The following ZNF205 variants were observed in gnomAD, a reference collection of about 807,000 sequenced individuals.
ZNF205 encodes transcriptional repressor RHIT.
A neutral mutation model predicts 53.6 loss-of-function variants in ZNF205; 32 were observed. The ratio of observed to expected loss-of-function variants is 0.60; its 90% CI spans 0.45 to 0.80. The LOEUF (loss-of-function observed/expected upper bound fraction) is 0.80. Ranked by LOEUF, ZNF205 falls within the 30% of genes least tolerant of loss-of-function variation. The pLI is 0.00. For missense variants in ZNF205, 836 were observed against 782.4 expected (o/e 1.07, Z -0.82); for synonymous variants, 382 against 334.3 (o/e 1.14, Z -1.56).
chr16:3,113,254 C>G (rs533171359), intron 1 of ZNF205, 163 bp from the exon 2 acceptor site: 1 of 624,296 alleles, frequency 1.6e-6, no homozygotes, highest in African/African-American at 1.9e-5. Flanking sequence ...ACTTTCTTTC[C>G]GATTGGGACC....
In ZNF205 at chr16:3,119,367, C is replaced by T. The variant is rs1401134840; in HGVS notation, c.707C>T (p.Ala236Val). The change falls in exon 7 of 7, where the codon GCG (alanine) becomes GTG (valine). Residue 236 changes from alanine to valine, a missense_variant. Coordinates refer to ENST00000219091, the MANE Select transcript of ZNF205 (RefSeq NM_001042428.2). ...GRVQWGVPQC[A>V]QEAACGRSSG... ...GTCCAGTGGGGCGTCCCGCAGTGCG[C>T]GCAGGAAGCAGCCTGCGGCCGGAGC... 13 of 1,612,418 alleles carry T rather than the reference C, an allele frequency of 8.1e-6. No individual in the cohort carries two copies. Among genetic ancestry groups the T allele is most frequent in the South Asian group, 3.3e-5 (3 of 91,064 alleles).
chr16:3,116,649 T>G, intron 5 of ZNF205, 102 bp downstream of exon 5: 3 of 1,479,448 alleles, frequency 2.0e-6, no homozygotes, highest in Non-Finnish European at 2.7e-6. Context: ...ACCCTTCTCC[T>G]TGTCCCTTGA....
In ZNF205 at chr16:3,119,647, G is replaced by C; in HGVS notation, c.987G>C (p.Thr329=). Residue 329 remains threonine, a synonymous_variant, in exon 7 of 7, where the codon ACG becomes ACC. Coordinates refer to ENST00000219091, the MANE Select transcript of ZNF205 (RefSeq NM_001042428.2). ...WHSHLVTHRR[T]HTGEKPYACT... is the part of the protein sequence containing the mutation. ...CGCACCTGGTGACGCACCGGCGCAC[G>C]CACACGGGCGAGAAGCCCTACGCCT... is the stretch of plus-strand genomic sequence containing the variant. 1 of 1,611,938 alleles carries C rather than the reference G, an allele frequency of 6.2e-7. No individual in the cohort carries two copies. Among genetic ancestry groups the C allele is most frequent in the Non-Finnish European group, 8.5e-7 (1 of 1,179,436 alleles).
intron 4 of ZNF205, 102 bp downstream of exon 4, chr16:3,116,022 C>T: frequency 1.6e-6 from 2 of 1,262,976 alleles, no homozygotes; most frequent in Admixed American, 2.1e-5. Context: ...TGCAGCCAAG[C>T]CTGAAGCCTG....
In ZNF205 at chr16:3,115,766, C is replaced by A; in HGVS notation, c.272-63C>A. Reference sequence around the variant, plus strand: ...GGGCCAGGGGTGGAGTTTGAGGCAGCTGAAGTAGCAGCAGGTCCAGCAGGA... The same window carrying A: ...GGGCCAGGGGTGGAGTTTGAGGCAGATGAAGTAGCAGCAGGTCCAGCAGGA... On this transcript the variant is annotated intron_variant, in intron 3 of 6. Coordinates refer to ENST00000219091, the MANE Select transcript of ZNF205 (RefSeq NM_001042428.2). The A allele has an allele frequency of 2.6e-6, 4 of 1,520,654 alleles. No homozygotes were observed. The Admixed American group carries it at 5.5e-5, about 21-fold the overall frequency. The allele number at this position is 1,520,654 out of a possible 1,614,324, so 94.2% of individuals were successfully genotyped here.
Position 3,119,842 on chromosome 16 carries a change from C to T in ZNF205, c.1182C>T (p.Cys394=). 2 of 1,613,470 alleles carry T rather than the reference C, an allele frequency of 1.2e-6. No individual in the cohort carries two copies. The highest frequency in any genetic ancestry group is 1.7e-6 in the Non-Finnish European group (2 of 1,179,850). The part of the protein sequence containing the change: ...RIHTGEKPYV[C]DRCAKRFTRR... ...ACACCGGAGAGAAGCCCTACGTGTG[C>T]GACCGCTGCGCCAAGCGCTTCACCC... Residue 394 remains cysteine (C), a synonymous_variant, in exon 7 of 7, where the codon TGC becomes TGT. Coordinates refer to ENST00000219091, the MANE Select transcript of ZNF205 (RefSeq NM_001042428.2).
At position 3,119,383 on chromosome 16, in the gene ZNF205, C is replaced by T; in HGVS notation, c.723C>T (p.Cys241=). ...GVPQCAQEAA[C]GRSSGPAKDS... Reference sequence around the variant, plus strand: ...CGCAGTGCGCGCAGGAAGCAGCCTGCGGCCGGAGCTCAGGGCCGGCCAAAG... The same window carrying T: ...CGCAGTGCGCGCAGGAAGCAGCCTGTGGCCGGAGCTCAGGGCCGGCCAAAG... Residue 241 remains cysteine, a synonymous_variant, in exon 7 of 7, where the codon TGC becomes TGT. Transcript: ENST00000219091. 6.2e-7 allele frequency: 1 copy of T among 1,611,542 alleles called. No homozygotes were observed. Among genetic ancestry groups the T allele is most frequent in the Admixed American group, 1.7e-5 (1 of 59,912 alleles).
chr16:3,119,837 G>A lies in ZNF205; in HGVS notation c.1177G>A (p.Val393Met), dbSNP rs779111650. 1.2e-6 allele frequency: 2 copies of A among 1,613,182 alleles called. No individual in the cohort carries two copies. The highest frequency in any genetic ancestry group is 1.3e-5 in the African/African-American group (1 of 74,862). The change falls in exon 7 of 7, where the codon GTG becomes ATG. Residue 393 changes from valine (V) to methionine (M), a missense_variant. By Grantham distance (21) the Val-to-Met change is conservative. Coordinates refer to ENST00000219091, the MANE Select transcript of ZNF205 (RefSeq NM_001042428.2). Reference sequence around the variant, plus strand: ...CATCCACACCGGAGAGAAGCCCTACGTGTGCGACCGCTGCGCCAAGCGCTT... The same window carrying A: ...CATCCACACCGGAGAGAAGCCCTACATGTGCGACCGCTGCGCCAAGCGCTT... ...QRIHTGEKPY[V>M]CDRCAKRFTR...
In ZNF205 at chr16:3,119,883, TCACCCACCAGGG is replaced by T. The variant is rs1957400900; in HGVS notation, c.1231_1242del (p.Gln411_His414del). 2.5e-6 allele frequency: 4 copies of T among 1,613,414 alleles called. No homozygotes were observed. Among genetic ancestry groups the T allele is most frequent in the Non-Finnish European group, 3.4e-6 (4 of 1,179,872 alleles). ...CGCTTCACCCGCCGCTCGGACTTGG[TCACCCACCAGGG>T]CACCCACACGGGCGCCAAGCCGCAC... On this transcript the variant is annotated inframe_deletion, in exon 7 of 7. Transcript: ENST00000219091.
chr16:3,119,497 G>A lies in ZNF205; in HGVS notation c.837G>A (p.Pro279=), dbSNP rs531213794. The A allele has an allele frequency of 2.5e-6, 4 of 1,594,666 alleles. No homozygotes were observed. Among genetic ancestry groups the A allele is most frequent in the Non-Finnish European group, 3.4e-6 (4 of 1,171,610 alleles). ...CGGAGCCCCAGGAGTACCGCGTCCCGGAGAAGCCCAACGAGGAGGAGAAGG... is the reference window on the plus strand; with the variant it reads ...CGGAGCCCCAGGAGTACCGCGTCCCAGAGAAGCCCAACGAGGAGGAGAAGG... ...SPTEPQEYRV[P]EKPNEEEKGA... The change falls in exon 7 of 7, where the codon CCG becomes CCA. Residue 279 remains proline, a synonymous_variant. Coordinates refer to ENST00000219091, the MANE Select transcript of ZNF205 (RefSeq NM_001042428.2).
At chr16:3,115,742 G>C in intron 3 of ZNF205, 87 bp from the exon 4 acceptor site, 1 of 1,458,832 alleles carries the variant, frequency 6.9e-7, no homozygotes, top group East Asian at 2.4e-5. Flanking sequence ...CCTTGGGTCG[G>C]GCCAGGGGTG....
chr16:3,119,803 G>A lies in ZNF205; in HGVS notation c.1143G>A (p.Gln381=), dbSNP rs1454411120. The part of the protein sequence containing the change: ...KSFSHHSTLI[Q]HQRIHTGEKP... The stretch of plus-strand genomic sequence containing the variant: ...TCAGCCACCACTCCACGCTGATTCA[G>A]CACCAGCGCATCCACACCGGAGAGA... The change falls in exon 7 of 7, where the codon CAG becomes CAA. Residue 381 remains glutamine (Q), a synonymous_variant. Transcript: ENST00000219091. 6 of 1,613,674 alleles carry A rather than the reference G, an allele frequency of 3.7e-6. No homozygotes were observed. The highest frequency in any genetic ancestry group is 5.1e-6 in the Non-Finnish European group (6 of 1,179,906).
At position 3,119,286 on chromosome 16, in the gene ZNF205, C is replaced by G; in HGVS notation, c.626C>G (p.Thr209Ser). 6.2e-7 allele frequency: 1 copy of G among 1,608,426 alleles called. No individual in the cohort carries two copies. Among genetic ancestry groups the G allele is most frequent in the Non-Finnish European group, 8.5e-7 (1 of 1,177,152 alleles). Reference protein sequence around the residue: ...GAVEVGQRVQTSSVAALGNVK... With the variant: ...GAVEVGQRVQSSSVAALGNVK... Reference sequence around the variant, plus strand: ...GTCGAGGTGGGGCAGAGGGTGCAGACCTCATCCGTGGCAGCCCTTGGGAAT... The same window carrying G: ...GTCGAGGTGGGGCAGAGGGTGCAGAGCTCATCCGTGGCAGCCCTTGGGAAT... The change falls in exon 7 of 7, where the codon ACC becomes AGC. Residue 209 changes from threonine to serine, a missense_variant. Coordinates refer to ENST00000219091, the MANE Select transcript of ZNF205 (RefSeq NM_001042428.2).
rs577923054 is a variant in ZNF205, at chr16:3,118,920, G to C, written c.500G>C (p.Arg167Thr). 2 of 1,613,570 alleles carry C rather than the reference G, an allele frequency of 1.2e-6. No homozygotes were observed. The highest frequency in any genetic ancestry group is 4.5e-5 in the East Asian group (2 of 44,888). ...NGLSLGFPFSRPFWAPQAHGK... is the reference protein window; with the variant it reads ...NGLSLGFPFSTPFWAPQAHGK... ...TTCTGGGCAGGCTTTCCCTTCAGCA[G>C]GCCTTTCTGGGCCCCTCAAGCGCAC... The change falls in exon 6 of 7, where the codon AGG becomes ACG. Residue 167 changes from arginine to threonine, a missense_variant. Transcript: ENST00000219091.
intron 4 of ZNF205, 87 bp from the exon 5 acceptor site, chr16:3,116,340 G>A (rs1323211239): frequency 7.7e-6 from 12 of 1,567,730 alleles, no homozygotes; most frequent in South Asian, 3.6e-5. Context: ...TTGGGAGTCC[G>A]GGGTCTCACC....
Position 3,120,263 on chromosome 16 carries a change from A to T in ZNF205, c.1603A>T (p.Met535Leu). 1 of 1,603,446 alleles carries T rather than the reference A, an allele frequency of 6.2e-7. No individual in the cohort carries two copies. Among genetic ancestry groups the T allele is most frequent in the Non-Finnish European group, 8.5e-7 (1 of 1,179,004 alleles). The change falls in exon 7 of 7, where the codon ATG (methionine) becomes TTG (leucine). Residue 535 changes from methionine to leucine, a missense_variant. Physicochemically the swap from Met to Leu is conservative, Grantham distance 15. Transcript: ENST00000219091. ...CACCACCGGGCCCAAGGCCCTGGCC[A>T]TGCTGATGCTGGGGGCGGCGGCGGC... ...IHTTGPKALAMLMLGAAAAGA... is the reference protein window; with the variant it reads ...IHTTGPKALALLMLGAAAAGA...
chr16:3,112,626 C>CTACACAG lies in ZNF205; in HGVS notation c.-71_-70insTACACAG. On this transcript the variant is annotated 5_prime_UTR_variant, in exon 1 of 7. Coordinates refer to ENST00000219091, the MANE Select transcript of ZNF205 (RefSeq NM_001042428.2). Reference sequence around the variant, plus strand: ...CCGCCCCGTGCAGGCTGTGGAGACTCCCTTCCCGGGGGAGGGGGCCCCCAC... The same window carrying CTACACAG: ...CCGCCCCGTGCAGGCTGTGGAGACTCTACACAGCCTTCCCGGGGGAGGGGGCCCCCAC... The CTACACAG allele has an allele frequency of 1.0e-5, 3 of 298,360 alleles. No homozygotes were observed. The highest frequency in any genetic ancestry group is 2.8e-5 in the South Asian group (1 of 35,382). The allele number at this position is 298,360 out of a possible 1,614,324, so 18.5% of individuals were successfully genotyped here.
At chr16:3,117,006 G>A (rs1957354508) in intron 5 of ZNF205, among the ~76,000 whole-genome samples, 1 of 152,184 alleles carries the variant, frequency 6.6e-6, no homozygotes, top group South Asian at 2.1e-4. Flanking sequence ...GTGTTAGCCA[G>A]GATGGTCTCG....
rs369700105 is a variant in ZNF205, at chr16:3,120,339, G to A, written c.*14G>A. The A allele has an allele frequency of 7.2e-4, 1,084 of 1,498,024 alleles. 10 individuals carry two copies. In the African/African-American group the frequency reaches 0.013, roughly 18 times the overall value. 92.8% of individuals were successfully genotyped at this position (1,498,024 alleles called of 1,614,324 possible). A position where few individuals can be genotyped will look rare whatever the true frequency, so the allele number is the denominator to read the frequency against. Reference sequence around the variant, plus strand: ...GCTCCCACCTAGGAGGCCAGGAAAGGGGGAGCGGGGCGCCCAGGGCCACTG... The same window carrying A: ...GCTCCCACCTAGGAGGCCAGGAAAGAGGGAGCGGGGCGCCCAGGGCCACTG... On this transcript the variant is annotated 3_prime_UTR_variant, in exon 7 of 7. Transcript: ENST00000219091.
Sources: gnomAD v4.1 joint callset for allele counts (sites outside exome capture counted in the v4.1 genomes callset) on GRCh38, gnomAD v4.1.1 for gene constraint, MANE v1.5 for transcripts, NCBI Gene and HGNC (gene_info 2026-07-23, HGNC 2026-07-21) for gene names.